Variants in ASTN2 observed in about 807,000 individuals in gnomAD.
The protein encoded by ASTN2 is astrotactin 2, also known as astrotactin-2.
Under a neutral mutation model 139.8 loss-of-function variants are expected in ASTN2, and 54 were observed. The observed-to-expected ratio is 0.39, with a 90% CI of 0.31 to 0.48. The LOEUF (loss-of-function observed/expected upper bound fraction) is 0.48, where lower values mean the gene tolerates loss of function less well. Among genes scored for constraint, ASTN2 ranks in the 20% least tolerant of loss-of-function variants. The pLI is 0.95. For missense variants in ASTN2, 1,565 were observed against 1,725.1 expected (o/e 0.91, Z 1.64); for synonymous variants, 756 against 719.5 (o/e 1.05, Z -0.81).
At chr9:116,926,446 T>C (rs1834757724) in intron 10 of ASTN2, among the ~76,000 whole-genome samples, 1 of 152,218 alleles carries the variant, frequency 6.6e-6, no homozygotes, top group African/African-American at 2.4e-5. Context: ...TCTTTCCTCC[T>C]TCTTTTTGGT....
intron 10 of ASTN2, among the ~76,000 whole-genome samples, chr9:116,942,768 A>G (rs1835276756): frequency 6.6e-6 from 1 of 152,218 alleles, no homozygotes; most frequent in Admixed American, 6.5e-5. Context: ...GAAGATTGAA[A>G]CAATAAGAGG....
intron 4 of ASTN2, among the ~76,000 whole-genome samples, chr9:117,098,698 A>T (rs1044316414): frequency 3.3e-5 from 5 of 151,408 alleles, no homozygotes; most frequent in African/African-American, 9.7e-5. Context: ...GACCTCATGG[A>T]GATTTTGGAA....
At chr9:116,999,548 CTTTTTTTTTTTTTTT>C (rs71379248) in intron 7 of ASTN2, among the ~76,000 whole-genome samples, 4 of 94,920 alleles carry the variant, frequency 4.2e-5, no homozygotes, top group African/African-American at 9.8e-5. Flanking sequence ...TTCTCTCTTT[CTTTTTTTTTTTTTTT>C]TTTTTTTTTT....
At chr9:117,400,509 C>T (rs1160635337) in intron 1 of ASTN2, among the ~76,000 whole-genome samples, 1 of 152,156 alleles carries the variant, frequency 6.6e-6, no homozygotes, top group Non-Finnish European at 1.5e-5. Flanking sequence ...AGGAACCCTG[C>T]CATTGGCAGA....
chr9:117,164,660 G>A (rs1400773562), intron 3 of ASTN2, among the ~76,000 whole-genome samples: 1 of 152,078 alleles, frequency 6.6e-6, no homozygotes, highest in Non-Finnish European at 1.5e-5. Context: ...CTGAGCTGAA[G>A]CAGCGAAGGT....
At chr9:117,295,389 C>T (rs1171157621) in intron 1 of ASTN2, among the ~76,000 whole-genome samples, 1 of 152,036 alleles carries the variant, frequency 6.6e-6, no homozygotes, top group African/African-American at 2.4e-5. Flanking sequence ...CTTTACATTT[C>T]CTTGAACATG....
At chr9:117,089,587 G>A (rs1207175105) in intron 5 of ASTN2, among the ~76,000 whole-genome samples, 2 of 151,572 alleles carry the variant, frequency 1.3e-5, no homozygotes, top group East Asian at 1.9e-4. Context: ...ACATGAATAA[G>A]TTCTTTAGTG....
intron 3 of ASTN2, among the ~76,000 whole-genome samples, chr9:117,176,787 C>T (rs1830928829): frequency 6.6e-6 from 1 of 152,084 alleles, no homozygotes; most frequent in African/African-American, 2.4e-5. Flanking sequence ...TTTTAATTAG[C>T]TAGGCATGAT....
chr9:117,081,882 C>G (rs1303859624), intron 5 of ASTN2, among the ~76,000 whole-genome samples: 1 of 152,216 alleles, frequency 6.6e-6, no homozygotes, highest in East Asian at 1.9e-4. Context: ...ATTCTGCCAA[C>G]AACCACATAA....
chr9:117,182,464 A>T (rs1034213589), intron 3 of ASTN2, among the ~76,000 whole-genome samples: 2 of 152,194 alleles, frequency 1.3e-5, no homozygotes, highest in Admixed American at 1.3e-4. Context: ...AGGAGATATT[A>T]AACCCTAGAG....
intron 10 of ASTN2, among the ~76,000 whole-genome samples, chr9:116,887,764 C>T (rs1256627579): frequency 6.6e-6 from 1 of 152,040 alleles, no homozygotes; most frequent in East Asian, 1.9e-4. Flanking sequence ...ATCTCCTGGG[C>T]TCAGGTGATC....
chr9:116,976,238 T>C (rs776914386), intron 8 of ASTN2, 50 bp from the exon 9 acceptor site: 1 of 1,520,960 alleles, frequency 6.6e-7, no homozygotes, highest in East Asian at 2.3e-5. Context: ...CAGAGGCAGG[T>C]AGAATTCACA....
In ASTN2 at chr9:117,269,411, TCTC is replaced by T. The variant is rs1177797489; in HGVS notation, c.630+21912_630+21914del. The stretch of plus-strand genomic sequence containing the variant: ...TATTTAATTACACTTAATGCCATCT[TCTC>T]CTCTATTTCTGCGCTTGAAGGGGAC... On this transcript the variant is annotated intron_variant, in intron 2 of 22. Coordinates refer to ENST00000313400, the MANE Select transcript of ASTN2 (RefSeq NM_001365068.1). Among the ~76,000 whole-genome samples the T allele has an allele frequency of 1.6e-4, 25 of 152,266 alleles. No homozygotes were observed. The East Asian group carries it at 3.5e-3, about 21-fold the overall frequency.
At chr9:117,268,733 G>A (rs769135497) in intron 2 of ASTN2, among the ~76,000 whole-genome samples, 6 of 152,138 alleles carry the variant, frequency 3.9e-5, no homozygotes, top group African/African-American at 1.2e-4. Flanking sequence ...CTGACAGATC[G>A]GGGTTTGAAA....
At chr9:117,306,590 G>T (rs1164041862) in intron 1 of ASTN2, among the ~76,000 whole-genome samples, 1 of 152,192 alleles carries the variant, frequency 6.6e-6, no homozygotes, top group African/African-American at 2.4e-5. Context: ...ACTAAAGAAT[G>T]CTGTTAGTAA....
chr9:117,059,743 C>T (rs1012143286), intron 5 of ASTN2, among the ~76,000 whole-genome samples: 1 of 152,160 alleles, frequency 6.6e-6, no homozygotes, highest in Admixed American at 6.5e-5. Context: ...ATTTCCCATT[C>T]TTCACTCCAG....
chr9:116,841,873 G>A (rs1832272629), intron 11 of ASTN2, among the ~76,000 whole-genome samples: 2 of 152,154 alleles, frequency 1.3e-5, no homozygotes, highest in African/African-American at 2.4e-5. Context: ...AAATGTAAGG[G>A]AACCATATAC....
intron 16 of ASTN2, among the ~76,000 whole-genome samples, chr9:116,676,401 AG>A (rs1189175302): frequency 6.6e-6 from 1 of 152,182 alleles, no homozygotes; most frequent in Non-Finnish European, 1.5e-5. Context: ...GGGGTATCAC[AG>A]GATAGAATGT....
rs138569819 is a variant in ASTN2 at position 117,041,383 on chromosome 9, C to T, written c.1277-1418G>A. Reference sequence around the variant, plus strand: ...CGTTCAAAACAGGGTACATTATCTTCTCCTTAAAGCCTCCCCCTCCTGAGA... The same window carrying T: ...CGTTCAAAACAGGGTACATTATCTTTTCCTTAAAGCCTCCCCCTCCTGAGA... On this transcript the variant is annotated intron_variant, in intron 5 of 22. Coordinates refer to ENST00000313400, the MANE Select transcript of ASTN2 (RefSeq NM_001365068.1). Among the ~76,000 whole-genome samples the T allele has an allele frequency of 6.9e-3, 1,046 of 152,208 alleles. 4 individuals carry two copies. Among genetic ancestry groups the T allele is most frequent in the Non-Finnish European group, 0.011 (769 of 68,014 alleles).
Sources: gnomAD v4.1 joint callset for allele counts (sites outside exome capture counted in the v4.1 genomes callset) on GRCh38, gnomAD v4.1.1 for gene constraint, MANE v1.5 for transcripts, NCBI Gene and HGNC (gene_info 2026-07-23, HGNC 2026-07-21) for gene names.